Variants in DSCAML1 observed in about 807,000 individuals in gnomAD.
DSCAML1 encodes the protein cell adhesion molecule DSCAML1.
DSCAML1 carries 38 observed loss-of-function variants against 200.5 expected under a neutral mutation model. The ratio of observed to expected loss-of-function variants is 0.19; its 90% CI spans 0.15 to 0.25. The LOEUF (loss-of-function observed/expected upper bound fraction) is 0.25, where lower values mean the gene tolerates loss of function less well. DSCAML1 is among the 10% of genes least tolerant of loss of function. The probability of loss-of-function intolerance (pLI) is 1.00; values close to 1 mark genes in which losing one functional copy is unlikely to be tolerated. For synonymous variants in DSCAML1, 1,215 were observed against 1,165.0 expected (o/e 1.04, Z -0.87); for missense variants, 2,223 against 2,858.8 (o/e 0.78, Z 5.07).
intron 3 of DSCAML1, among the ~76,000 whole-genome samples, chr11:117,662,794 G>T (rs1248512624): frequency 6.6e-6 from 1 of 152,144 alleles, no homozygotes; most frequent in Non-Finnish European, 1.5e-5. Context: ...GTCACCCAGC[G>T]TGCTTACTTA....
At chr11:117,553,306 A>G (rs2050501208) in intron 3 of DSCAML1, among the ~76,000 whole-genome samples, 1 of 152,230 alleles carries the variant, frequency 6.6e-6, no homozygotes, top group Non-Finnish European at 1.5e-5. Flanking sequence ...AACATGTAAA[A>G]CTTCTATGCA....
intron 20 of DSCAML1, among the ~76,000 whole-genome samples, chr11:117,446,313 G>A (rs1395373698): frequency 6.6e-6 from 1 of 152,202 alleles, no homozygotes; most frequent in East Asian, 1.9e-4. Context: ...GCAGTGAGCT[G>A]AGATTGTGCC....
intron 3 of DSCAML1, among the ~76,000 whole-genome samples, chr11:117,693,488 C>T (rs1045562528): frequency 6.6e-6 from 1 of 152,154 alleles, no homozygotes; most frequent in African/African-American, 2.4e-5. Flanking sequence ...AAGGATCAAG[C>T]CCTGCACCCC....
chr11:117,513,221 T>C (rs2049680638), intron 8 of DSCAML1, among the ~76,000 whole-genome samples: 1 of 152,114 alleles, frequency 6.6e-6, no homozygotes, highest in African/African-American at 2.4e-5. Context: ...ACCAAGCTGA[T>C]TTGTCCCAGA....
intron 3 of DSCAML1, among the ~76,000 whole-genome samples, chr11:117,705,217 A>G (rs2053738988): frequency 1.3e-5 from 2 of 152,208 alleles, no homozygotes; most frequent in African/African-American, 2.4e-5. Flanking sequence ...TTGCAATCCC[A>G]GAGAACCCTC....
At chr11:117,704,625 C>T (rs1011390953) in intron 3 of DSCAML1, among the ~76,000 whole-genome samples, 1 of 152,076 alleles carries the variant, frequency 6.6e-6, no homozygotes, top group African/African-American at 2.4e-5. Flanking sequence ...TAGCATTCCT[C>T]CCAGTGACTC....
At chr11:117,799,341 G>A (rs1295448703), upstream of DSCAML1, among the ~76,000 whole-genome samples, 2 of 152,200 alleles carry the variant, frequency 1.3e-5, no homozygotes, top group East Asian at 3.9e-4. Context: ...ATCTGAGTGG[G>A]CCTGGGGTAG....
chr11:117,772,413 C>A (rs916271610), intron 3 of DSCAML1, among the ~76,000 whole-genome samples: 6 of 152,310 alleles, frequency 3.9e-5, no homozygotes, highest in African/African-American at 1.4e-4. Context: ...GTGTCCTCAG[C>A]GCACTTTCAG....
At position 117,451,771 on chromosome 11, in the gene DSCAML1, C is replaced by T. The variant is rs140312052; in HGVS notation, c.3569-1083G>A. Among the ~76,000 whole-genome samples, 256 of 151,312 alleles carry T rather than the reference C, an allele frequency of 1.7e-3. 2 individuals are homozygous for T. Among genetic ancestry groups the T allele is most frequent in the Non-Finnish European group, 4.0e-4 (27 of 67,914 alleles). ...CGGAGGTTGCAGTGAGCTGAGATCA[C>T]GCCATTGCACTCCAGCCAGGGCAAC... is the stretch of plus-strand genomic sequence containing the variant. On this transcript the variant is annotated intron_variant, in intron 19 of 32. Coordinates refer to ENST00000651296, the MANE Select transcript of DSCAML1 (RefSeq NM_020693.4).
At chr11:117,539,865 A>C (rs1217958810) in intron 3 of DSCAML1, among the ~76,000 whole-genome samples, 1 of 152,238 alleles carries the variant, frequency 6.6e-6, no homozygotes, top group African/African-American at 2.4e-5. Context: ...AAAAGGTGGA[A>C]GAAACCAAAC....
chr11:117,542,367 T>G (rs1418471919), intron 3 of DSCAML1, among the ~76,000 whole-genome samples: 1 of 149,420 alleles, frequency 6.7e-6, no homozygotes, highest in Non-Finnish European at 1.5e-5. Context: ...AAAAAAACAG[T>G]GCAGGCGATG....
At chr11:117,506,368 G>C (rs571575060) in intron 8 of DSCAML1, among the ~76,000 whole-genome samples, 76 of 152,176 alleles carry the variant, frequency 5.0e-4, no homozygotes, top group African/African-American at 1.8e-3. Flanking sequence ...CCATTTTACA[G>C]ATGAGAAAAC....
At chr11:117,555,435 G>T (rs909746069) in intron 3 of DSCAML1, among the ~76,000 whole-genome samples, 3 of 152,208 alleles carry the variant, frequency 2.0e-5, no homozygotes, top group Non-Finnish European at 1.5e-5. Flanking sequence ...GGAGCTCAAG[G>T]TGCGCAGGGA....
intron 2 of DSCAML1, 90 bp from the exon 3 acceptor site, chr11:117,777,027 C>G: frequency 7.3e-7 from 1 of 1,376,356 alleles, no homozygotes; most frequent in Non-Finnish European, 1.0e-6. Flanking sequence ...GCTCAACTCC[C>G]TCTGCTCCTT....
intron 3 of DSCAML1, among the ~76,000 whole-genome samples, chr11:117,550,118 G>A (rs1209041255): frequency 2.0e-5 from 3 of 151,996 alleles, no homozygotes; most frequent in Non-Finnish European, 4.4e-5. Flanking sequence ...TCATATACTG[G>A]CCTTTTACTA....
chr11:117,738,550 T>C (rs997469130), intron 3 of DSCAML1, among the ~76,000 whole-genome samples: 28 of 152,180 alleles, frequency 1.8e-4, no homozygotes, highest in African/African-American at 6.8e-4. Context: ...TGTGTGTCCA[T>C]ATGAAATGTA....
chr11:117,438,992 G>A lies in DSCAML1; in HGVS notation c.4145-9C>T, dbSNP rs749105412. ...GGGCTGGTCCGGGGGAACTGTGAGG[G>A]GAAAGCCACCACCCCTTAGCACAAG... On this transcript the variant is annotated splice_polypyrimidine_tract_variant and intron_variant, in intron 23 of 32. Transcript: ENST00000651296. The A allele has an allele frequency of 3.1e-6, 5 of 1,597,150 alleles. No individual in the cohort carries two copies. The Admixed American group carries it at 9.0e-5, about 29-fold the overall frequency.
rs746166512 is a variant in DSCAML1, at chr11:117,428,450, C to T, written c.6040G>A (p.Gly2014Arg). 35 of 1,531,508 alleles carry T rather than the reference C, an allele frequency of 2.3e-5. No homozygotes were observed. Among genetic ancestry groups the T allele is most frequent in the Non-Finnish European group, 2.8e-5 (32 of 1,141,186 alleles). 94.9% of individuals were successfully genotyped at this position (1,531,508 alleles called of 1,614,324 possible). The change falls in exon 33 of 33, where the codon GGG becomes AGG. Residue 2014 changes from glycine (G) to arginine (R), a missense_variant. Gly to Arg is a moderately radical substitution (Grantham distance 125). This residue lies in a region of DSCAML1 where 280 missense variants were observed against 213.4 expected (regional missense o/e 1.31). Coordinates refer to ENST00000651296, the MANE Select transcript of DSCAML1 (RefSeq NM_020693.4). ...PAPSTEPPRA[G>R]GPHTKMGGSR... ...CCCCCCATTTTGGTGTGTGGGCCCC[C>T]GGCTCGTGGAGGCTCGGTGCTGGGG... is the stretch of plus-strand genomic sequence containing the variant.
At chr11:117,460,212 T>A (rs1394603106) in intron 18 of DSCAML1, among the ~76,000 whole-genome samples, 1 of 152,190 alleles carries the variant, frequency 6.6e-6, no homozygotes, top group African/African-American at 2.4e-5. Context: ...TGAGGTCACA[T>A]TGTGAGCAGC....
Sources: allele counts gnomAD v4.1 joint callset (sites outside exome capture counted in the v4.1 genomes callset), GRCh38; gene constraint gnomAD v4.1.1; regional missense constraint gnomAD v4.1.1; transcripts MANE v1.5; gene names NCBI Gene and HGNC (gene_info 2026-07-23, HGNC 2026-07-21).